ANKRD17: variants seen among roughly 807,000 people sequenced by gnomAD.
ANKRD17 encodes the protein ankyrin repeat domain-containing protein 17.
Under a neutral mutation model 229.7 loss-of-function variants are expected in ANKRD17, and 19 were observed. The observed-to-expected ratio is 0.08, with a 90% CI of 0.06 to 0.12. The LOEUF is 0.12. Among genes scored for constraint, ANKRD17 ranks in the 10% least tolerant of loss-of-function variants. ANKRD17 has a pLI of 1.00. For missense variants in ANKRD17, 2,176 were observed against 3,176.8 expected, an observed-to-expected ratio of 0.68 and a Z score of 7.57; for synonymous variants, 1,112 against 1,146.1, an observed-to-expected ratio of 0.97 and a Z score of 0.60.
chr4:73,130,218 T>C (rs1728020566), intron 16 of ANKRD17, among the ~76,000 whole-genome samples: 1 of 152,166 alleles, frequency 6.6e-6, no homozygotes, highest in African/African-American at 2.4e-5. Flanking sequence ...GGGATAGCAC[T>C]TCAAGGTATT....
intron 1 of ANKRD17, among the ~76,000 whole-genome samples, chr4:73,234,052 C>T (rs1007727267): frequency 6.6e-6 from 1 of 152,040 alleles, no homozygotes; most frequent in Non-Finnish European, 1.5e-5. Context: ...TCTATCCTTC[C>T]CATGGTTCCT....
At chr4:73,131,038 CA>C (rs1340394991) in intron 16 of ANKRD17, among the ~76,000 whole-genome samples, 1 of 152,080 alleles carries the variant, frequency 6.6e-6, no homozygotes, top group East Asian at 1.9e-4. Flanking sequence ...AAGGTCAGAG[CA>C]ATGCTATCAA....
chr4:73,217,490 A>C (rs1471550589), intron 1 of ANKRD17, among the ~76,000 whole-genome samples: 1 of 152,150 alleles, frequency 6.6e-6, no homozygotes, highest in Admixed American at 6.5e-5. Context: ...GAAAATTCAA[A>C]ATCTGAAATG....
intron 6 of ANKRD17, among the ~76,000 whole-genome samples, chr4:73,152,605 G>T (rs1204580239): frequency 6.6e-6 from 1 of 152,112 alleles, no homozygotes; most frequent in East Asian, 1.9e-4. Context: ...CCCCCTTTTG[G>T]ATAGCAGGGT....
chr4:73,075,458 A>C lies in ANKRD17; in HGVS notation c.*773T>G, dbSNP rs1304859035. ...GATAATTTTACTGGTATTAGTGGTAAAGGTAAGGAGAGAAAAAGGAGTGAG... is the reference window on the plus strand; with the variant it reads ...GATAATTTTACTGGTATTAGTGGTACAGGTAAGGAGAGAAAAAGGAGTGAG... On this transcript the variant is annotated 3_prime_UTR_variant, in exon 34 of 34. Coordinates refer to ENST00000358602, the MANE Select transcript of ANKRD17 (RefSeq NM_032217.5). 6.6e-6 allele frequency: 1 copy of C among 152,528 alleles called. No individual in the cohort carries two copies. The allele number at this position is 152,528 out of a possible 1,614,324, so 9.4% of individuals were successfully genotyped here.
At chr4:73,205,217 C>T (rs1739284454) in intron 1 of ANKRD17, among the ~76,000 whole-genome samples, 1 of 152,088 alleles carries the variant, frequency 6.6e-6, no homozygotes, top group South Asian at 2.1e-4. Context: ...GTTGCAGCTA[C>T]TCAGAAGGCT....
intron 18 of ANKRD17, among the ~76,000 whole-genome samples, chr4:73,124,288 G>GAAAAAAAAAA (rs59284237): frequency 0.014 from 1,373 of 95,998 alleles, 101 homozygotes; most frequent in African/African-American, 0.03. Flanking sequence ...GACTGAATTT[G>GAAAAAAAAAA]AAAAAAAAAA....
At chr4:73,152,146 T>C (rs754808994) in intron 6 of ANKRD17, among the ~76,000 whole-genome samples, 1 of 152,120 alleles carries the variant, frequency 6.6e-6, no homozygotes, top group African/African-American at 2.4e-5. Flanking sequence ...CGACAAATTA[T>C]AATTTAAAAA....
intron 1 of ANKRD17, among the ~76,000 whole-genome samples, chr4:73,228,091 T>G (rs1017298995): frequency 6.6e-6 from 1 of 152,182 alleles, no homozygotes; most frequent in African/African-American, 2.4e-5. Context: ...AATTATTAAA[T>G]TTAATCATTA....
Position 73,073,536 on chromosome 4 carries a change from T to C in ANKRD17, c.*2695A>G, listed in dbSNP as rs1720841351. ...TAGGTTATTTGAGTCAAAACACGGATGGACTATTATTTTTGTGAAGAACAA... is the reference window on the plus strand; with the variant it reads ...TAGGTTATTTGAGTCAAAACACGGACGGACTATTATTTTTGTGAAGAACAA... On this transcript the variant is annotated 3_prime_UTR_variant, in exon 34 of 34. Transcript: ENST00000358602. The C allele has an allele frequency of 6.6e-6, 1 of 152,074 alleles. No homozygotes were observed. Among genetic ancestry groups the C allele is most frequent in the African/African-American group, 2.4e-5 (1 of 41,448 alleles). 9.4% of individuals were successfully genotyped at this position (152,074 alleles called of 1,614,324 possible).
At chr4:73,176,380 G>T (rs955654028) in intron 2 of ANKRD17, among the ~76,000 whole-genome samples, 1 of 152,068 alleles carries the variant, frequency 6.6e-6, no homozygotes, top group Non-Finnish European at 1.5e-5. Flanking sequence ...ACCATATGGA[G>T]AACAGTTTGG....
Position 73,090,647 on chromosome 4 carries a change from C to T in ANKRD17, c.6961+20G>A. 1.2e-6 allele frequency: 2 copies of T among 1,613,456 alleles called. No homozygotes were observed. Among genetic ancestry groups the T allele is most frequent in the Non-Finnish European group, 1.7e-6 (2 of 1,179,862 alleles). ...TTGTGCAAATGAACAGCTGCAGAATCTCAGAAAATATAAACTCACCTGAGG... is the reference window on the plus strand; with the variant it reads ...TTGTGCAAATGAACAGCTGCAGAATTTCAGAAAATATAAACTCACCTGAGG... On this transcript the variant is annotated intron_variant, in intron 29 of 33. Coordinates refer to ENST00000358602, the MANE Select transcript of ANKRD17 (RefSeq NM_032217.5).
intron 16 of ANKRD17, among the ~76,000 whole-genome samples, chr4:73,132,110 T>G (rs1189480222): frequency 7.3e-6 from 1 of 136,926 alleles, no homozygotes; most frequent in Non-Finnish European, 1.6e-5. Flanking sequence ...AAACTAGTTG[T>G]TTTTTTTTTT....
intron 29 of ANKRD17, among the ~76,000 whole-genome samples, chr4:73,085,730 A>G (rs989909991): frequency 2.7e-5 from 4 of 150,906 alleles, no homozygotes; most frequent in African/African-American, 9.7e-5. Context: ...GTTCATGCCT[A>G]TAATCCCAGG....
At chr4:73,155,313 T>TA in intron 5 of ANKRD17, among the ~76,000 whole-genome samples, 1 of 152,242 alleles carries the variant, frequency 6.6e-6, no homozygotes, top group South Asian at 2.1e-4. Flanking sequence ...ATTCCTCTCC[T>TA]AAAAAACTGG....
intron 26 of ANKRD17, 35 bp downstream of exon 26, chr4:73,098,038 C>T (rs1241197924): frequency 1.3e-6 from 2 of 1,533,378 alleles, no homozygotes; most frequent in Non-Finnish European, 1.8e-6. Flanking sequence ...TTCATGATGA[C>T]ACTATAAATA....
chr4:73,192,709 T>G (rs1297646384), intron 1 of ANKRD17, among the ~76,000 whole-genome samples: 1 of 152,158 alleles, frequency 6.6e-6, no homozygotes, highest in African/African-American at 2.4e-5. Context: ...TAACAATTTG[T>G]ATTGTCTTGA....
At chr4:73,143,899 C>A (rs1237509081) in intron 11 of ANKRD17, among the ~76,000 whole-genome samples, 9 of 152,036 alleles carry the variant, frequency 5.9e-5, no homozygotes, top group Admixed American at 3.9e-4. Flanking sequence ...AGCCACCATG[C>A]CCAGCTAATT....
rs141038719 is a variant in ANKRD17 at position 73,105,414 on chromosome 4, A to C, written c.4402-2867T>G. ...GAGAGTTTATGTATATGTGTGTGTG[A>C]CAGAATATCTAAGGGGTAAAGGAAG... On this transcript the variant is annotated intron_variant, in intron 24 of 33. Coordinates refer to ENST00000358602, the MANE Select transcript of ANKRD17 (RefSeq NM_032217.5). Among the ~76,000 whole-genome samples the C allele has an allele frequency of 1.9e-3, 283 of 151,702 alleles. 7 individuals are homozygous for C. The highest frequency in any genetic ancestry group is 0.018 in the Admixed American group (271 of 15,220).
Sources: allele counts gnomAD v4.1 joint callset (sites outside exome capture counted in the v4.1 genomes callset), GRCh38; gene constraint gnomAD v4.1.1; transcripts MANE v1.5; gene names NCBI Gene and HGNC (gene_info 2026-07-23, HGNC 2026-07-21).